Variants in LY75 observed in about 807,000 individuals in gnomAD.
LY75 encodes C-type lectin domain family 13 member B.
LY75 carries 185 observed loss-of-function variants against 231.7 expected under a neutral mutation model. That is an observed-to-expected ratio of 0.80 (90% CI 0.71 to 0.90). The LOEUF is 0.90. LY75 is among the 40% of genes least tolerant of loss of function. The probability of loss-of-function intolerance (pLI) is 0.00; values close to 1 mark genes in which losing one functional copy is unlikely to be tolerated. For missense variants in LY75, 1,947 were observed against 2,050.2 expected, an observed-to-expected ratio of 0.95 and a Z score of 0.97; for synonymous variants, 668 against 689.0, an observed-to-expected ratio of 0.97 and a Z score of 0.48.
At position 159,872,385 on chromosome 2, in the gene LY75, A is replaced by AT. The variant is rs1386636962; in HGVS notation, c.2117+65dup. On this transcript the variant is annotated intron_variant, in intron 13 of 34. Transcript: ENST00000263636. ...TCCAACAGAGAGTGAGGGTAAGAAC[A>AT]TGTCAATTTTGAATATCTAGAGGAC... 3 of 1,564,996 alleles carry AT rather than the reference A, an allele frequency of 1.9e-6. No individual in the cohort carries two copies. The East Asian group carries it at 6.8e-5, about 35-fold the overall frequency.
intron 23 of LY75, among the ~76,000 whole-genome samples, chr2:159,843,997 G>A (rs540194858): frequency 6.6e-6 from 1 of 152,028 alleles, no homozygotes; most frequent in African/African-American, 2.4e-5. Flanking sequence ...CCTGGATAAG[G>A]GTTCTAACAT....
chr2:159,816,811 G>A lies in LY75; in HGVS notation c.4375C>T (p.His1459Tyr). The change falls in exon 30 of 35, where the codon CAT (histidine) becomes TAT (tyrosine). Residue 1459 changes from histidine to tyrosine, a missense_variant. By Grantham distance (83) the His-to-Tyr change is moderately conservative. Transcript: ENST00000263636. ...GFPLWVGLSS[H>Y]DGSESSFEWS... ...GAAAACGAAGCAAGACTTACATCAT[G>A]ACTTGAGAGCCCAACCCATAGTGGA... 6.2e-7 allele frequency: 1 copy of A among 1,613,462 alleles called. No homozygotes were observed. The highest frequency in any genetic ancestry group is 8.5e-7 in the Non-Finnish European group (1 of 1,179,588).
intron 1 of LY75, 102 bp downstream of exon 1, chr2:159,904,487 G>A: frequency 4.7e-6 from 6 of 1,286,056 alleles, no homozygotes; most frequent in Non-Finnish European, 6.1e-6. Context: ...CAAAGCAGCC[G>A]TGACCTGCCC....
At chr2:159,860,736 A>C (rs891160386) in intron 15 of LY75, 85 bp downstream of exon 15, 4 of 1,529,960 alleles carry the variant, frequency 2.6e-6, no homozygotes, top group African/African-American at 2.7e-5. Context: ...TTCACATAAA[A>C]AGACACTCCA....
chr2:159,845,918 A>G (rs1684188324), intron 23 of LY75, among the ~76,000 whole-genome samples: 1 of 151,862 alleles, frequency 6.6e-6, no homozygotes, highest in South Asian at 2.1e-4. Flanking sequence ...ACACAGTCCT[A>G]ATATATGATA....
chr2:159,845,242 G>C (rs1487622885), intron 23 of LY75, among the ~76,000 whole-genome samples: 1 of 152,000 alleles, frequency 6.6e-6, no homozygotes, highest in Non-Finnish European at 1.5e-5. Flanking sequence ...CTCATCAAGA[G>C]TTTTAAAATT....
At chr2:159,829,672 A>C (rs1683587789) in intron 28 of LY75, among the ~76,000 whole-genome samples, 1 of 152,218 alleles carries the variant, frequency 6.6e-6, no homozygotes. Flanking sequence ...AAAGTAACCC[A>C]AAACAGTAAC....
chr2:159,889,886 C>T (rs1685699176), intron 4 of LY75, among the ~76,000 whole-genome samples: 1 of 152,124 alleles, frequency 6.6e-6, no homozygotes, highest in Non-Finnish European at 1.5e-5. Flanking sequence ...TCCTTTAATT[C>T]TCTATTTTTC....
chr2:159,852,489 G>T, intron 20 of LY75, 149 bp from the exon 21 acceptor site: 1 of 1,084,146 alleles, frequency 9.2e-7, no homozygotes, highest in Non-Finnish European at 1.3e-6. Context: ...TGCAATGTTG[G>T]CTTACTGCAT....
chr2:159,810,561 C>CTG lies in LY75; in HGVS notation c.4662_4663dup (p.Ser1555ThrfsTer22). ...ACACAATTTTTTGGCCTCTGAAAAA[C>CTG]TGTGCAATGCCTGATCAGACTTGTA... On this transcript the variant is annotated frameshift_variant, in exon 32 of 35. Coordinates refer to ENST00000263636, the MANE Select transcript of LY75 (RefSeq NM_002349.4). LOFTEE classifies it high-confidence loss of function. 6.2e-7 allele frequency: 1 copy of CTG among 1,613,636 alleles called. No homozygotes were observed. Among genetic ancestry groups the CTG allele is most frequent in the Non-Finnish European group, 8.5e-7 (1 of 1,179,840 alleles).
chr2:159,873,039 C>T (rs1394764964), intron 12 of LY75, among the ~76,000 whole-genome samples: 1 of 151,986 alleles, frequency 6.6e-6, no homozygotes, highest in East Asian at 1.9e-4. Context: ...GAGGAACAAC[C>T]AAAGAGCAGT....
rs754103439 is a variant in LY75, at chr2:159,807,168, G to A, written c.4823-28C>T. 2.2e-5 allele frequency: 35 copies of A among 1,587,926 alleles called. No homozygotes were observed. The African/African-American group carries it at 2.7e-4, about 12-fold the overall frequency. On this transcript the variant is annotated intron_variant, in intron 33 of 34. Transcript: ENST00000263636. ...GAAGAAAGAAATTAAATACAACTAT[G>A]TCTACTGCCACTAAACTAGTAAGTT...
intron 28 of LY75, among the ~76,000 whole-genome samples, chr2:159,828,055 T>C (rs1024897911): frequency 4.0e-5 from 6 of 150,840 alleles, no homozygotes; most frequent in South Asian, 2.1e-4. Flanking sequence ...TGTATACCTA[T>C]GTAACAAAAC....
chr2:159,898,655 G>A, intron 2 of LY75, 33 bp downstream of exon 2: 4 of 1,580,600 alleles, frequency 2.5e-6, no homozygotes, highest in Non-Finnish European at 3.5e-6. Context: ...AAGCACAACA[G>A]CAAATCGGTC....
Position 159,816,885 on chromosome 2 carries a change from T to C in LY75, c.4301A>G (p.Asn1434Ser). The C allele has an allele frequency of 6.2e-7, 1 of 1,614,188 alleles. No individual in the cohort carries two copies. The highest frequency in any genetic ancestry group is 8.5e-7 in the Non-Finnish European group (1 of 1,180,018). Residue 1434 changes from asparagine (N) to serine (S), a missense_variant, in exon 30 of 35, where the codon AAC becomes AGC. By Grantham distance (46) the Asn-to-Ser change is conservative. Transcript: ENST00000263636. ...QSGGHLASVH[N>S]QNGQLFLEDI... is the part of the protein sequence containing the mutation. ...TTCCAGAAAGAGCTGGCCATTTTGG[T>C]TGTGAACGCTTGCCAAGTGACCTCC...
Position 159,881,196 on chromosome 2 carries a change from G to A in LY75, c.1291C>T (p.Pro431Ser), listed in dbSNP as rs753399151. 1 of 1,613,598 alleles carries A rather than the reference G, an allele frequency of 6.2e-7. No homozygotes were observed. Among genetic ancestry groups the A allele is most frequent in the Non-Finnish European group, 8.5e-7 (1 of 1,179,806 alleles). ...CCATCTGACCACTGAAATAAAGTTG[G>A]TATGTTTATGTTCTTAAGGCCTATC... is the stretch of plus-strand genomic sequence containing the variant. ...VWIGLKNINIPTLFQWSDGTE... is the reference protein window; with the variant it reads ...VWIGLKNINISTLFQWSDGTE... Residue 431 changes from proline (P) to serine (S), a missense_variant, in exon 8 of 35, where the codon CCA becomes TCA. Physicochemically the swap from Pro to Ser is moderately conservative, Grantham distance 74. Coordinates refer to ENST00000263636, the MANE Select transcript of LY75 (RefSeq NM_002349.4).
At position 159,849,879 on chromosome 2, in the gene LY75, A is replaced by C. The variant is rs1480538257; in HGVS notation, c.3150+101T>G. ...TGTGCCTATTCTGGACATTTCATAC[A>C]AATGGAATAATACAGTGGGGTTTTG... On this transcript the variant is annotated intron_variant, in intron 23 of 34. Coordinates refer to ENST00000263636, the MANE Select transcript of LY75 (RefSeq NM_002349.4). 2.1e-6 allele frequency: 3 copies of C among 1,437,648 alleles called. No homozygotes were observed. The African/African-American group carries it at 4.3e-5, about 20-fold the overall frequency. 89.1% of individuals were successfully genotyped at this position (1,437,648 alleles called of 1,614,324 possible). A position where few individuals can be genotyped will look rare whatever the true frequency, so the allele number is the denominator to read the frequency against.
intron 16 of LY75, among the ~76,000 whole-genome samples, chr2:159,855,390 T>C (rs891954993): frequency 6.6e-6 from 1 of 152,134 alleles, no homozygotes; most frequent in African/African-American, 2.4e-5. Context: ...TAAACTTAGG[T>C]TGATAGAGTT....
chr2:159,892,811 G>A (rs905736910), intron 3 of LY75, among the ~76,000 whole-genome samples: 2 of 152,134 alleles, frequency 1.3e-5, no homozygotes, highest in African/African-American at 4.8e-5. Flanking sequence ...ATCCTGAACA[G>A]TTTGCTTCTG....
Sources: allele counts gnomAD v4.1 joint callset (sites outside exome capture counted in the v4.1 genomes callset), GRCh38; gene constraint gnomAD v4.1.1; transcripts MANE v1.5; gene names NCBI Gene and HGNC (gene_info 2026-07-23, HGNC 2026-07-21).